GLI3: variants seen among roughly 807,000 people sequenced by gnomAD.
The protein encoded by GLI3 is transcription activator GLI3.
GLI3 carries 20 observed loss-of-function variants against 100.8 expected under a neutral mutation model. The observed-to-expected ratio is 0.20, with a 90% CI of 0.14 to 0.29. The LOEUF is 0.29. Among genes scored for constraint, GLI3 ranks in the 10% least tolerant of loss-of-function variants. The pLI, the probability that GLI3 is intolerant of heterozygous loss-of-function variation, is 1.00. For missense variants in GLI3, 2,040 were observed against 2,128.5 expected, an observed-to-expected ratio of 0.96 and a Z score of 0.82; for synonymous variants, 938 against 860.5, an observed-to-expected ratio of 1.09 and a Z score of -1.58.
intron 2 of GLI3, among the ~76,000 whole-genome samples, chr7:42,162,051 C>T (rs1483577103): frequency 6.6e-6 from 1 of 152,180 alleles, no homozygotes; most frequent in Non-Finnish European, 1.5e-5. Flanking sequence ...GGCTGCTGCC[C>T]TCAAGGCCCA....
intron 3 of GLI3, among the ~76,000 whole-genome samples, chr7:42,092,877 G>T (rs1433204483): frequency 6.6e-6 from 1 of 151,730 alleles, no homozygotes; most frequent in East Asian, 2.0e-4. Context: ...GCAGTGGTGC[G>T]ATCTCAGCTC....
rs1476153727 is a variant in GLI3, at chr7:41,965,196, G to A, written c.3877C>T (p.Leu1293=). 30 of 1,613,758 alleles carry A rather than the reference G, an allele frequency of 1.9e-5. No individual in the cohort carries two copies. The highest frequency in any genetic ancestry group is 2.5e-5 in the Non-Finnish European group (30 of 1,180,046). ...GGCGCTACCGGCAGGCCGAAATTCA[G>A]CTGGCCCCCGCTCCCTTGCATGGGG... ...STPMQGSGGQ[L]NFGLPVAPNE... Residue 1293 remains leucine, a synonymous_variant, in exon 15 of 15, where the codon CTG becomes TTG. Transcript: ENST00000395925.
chr7:42,058,646 T>C (rs961006557), intron 4 of GLI3, among the ~76,000 whole-genome samples: 2 of 152,138 alleles, frequency 1.3e-5, no homozygotes, highest in African/African-American at 2.4e-5. Context: ...TGTATTAACT[T>C]TGGAGGGGGC....
chr7:42,124,791 T>C (rs1368824614), intron 3 of GLI3, among the ~76,000 whole-genome samples: 1 of 152,200 alleles, frequency 6.6e-6, no homozygotes, highest in African/African-American at 2.4e-5. Flanking sequence ...GTTGTTGCCA[T>C]TGGTGCTGCT....
At chr7:42,080,874 T>C (rs1784983178) in intron 3 of GLI3, among the ~76,000 whole-genome samples, 1 of 152,162 alleles carries the variant, frequency 6.6e-6, no homozygotes, top group South Asian at 2.1e-4. Flanking sequence ...AACAGGCCCT[T>C]GTCGCCAGAG....
At chr7:42,263,947 C>G (rs1426681135) in intron 1 of GLI3, among the ~76,000 whole-genome samples, 2 of 152,202 alleles carry the variant, frequency 1.3e-5, no homozygotes, top group Non-Finnish European at 2.9e-5. Context: ...TTATTGCTAA[C>G]TTACCTACCT....
intron 2 of GLI3, chr7:42,151,818 G>A (rs979250876): frequency 1.3e-5 from 2 of 151,848 alleles, no homozygotes; most frequent in African/African-American, 4.8e-5. Flanking sequence ...AAAGCATCAC[G>A]TTTTAGAAAC....
chr7:42,170,885 A>G (rs1264600905), intron 2 of GLI3, among the ~76,000 whole-genome samples: 1 of 152,222 alleles, frequency 6.6e-6, no homozygotes, highest in Non-Finnish European at 1.5e-5. Context: ...GCTCATGCCC[A>G]GTTTAACCCT....
chr7:41,984,805 C>T (rs1787769821), intron 10 of GLI3, among the ~76,000 whole-genome samples: 1 of 152,270 alleles, frequency 6.6e-6, no homozygotes, highest in African/African-American at 2.4e-5. Flanking sequence ...TCAAATCCCA[C>T]AGAACTGCTT....
intron 3 of GLI3, among the ~76,000 whole-genome samples, chr7:42,110,457 G>A (rs1384419433): frequency 2.0e-5 from 3 of 152,156 alleles, no homozygotes; most frequent in South Asian, 2.1e-4. Context: ...CACAGGCAAC[G>A]GAAGTGGACA....
chr7:42,147,407 C>T (rs1250921676), intron 3 of GLI3, among the ~76,000 whole-genome samples: 4 of 152,114 alleles, frequency 2.6e-5, no homozygotes, highest in African/African-American at 9.7e-5. Flanking sequence ...GGAATTGGAG[C>T]CGGGAAGGTT....
chr7:42,063,471 CAT>C (rs773254774), intron 4 of GLI3, among the ~76,000 whole-genome samples: 22 of 152,034 alleles, frequency 1.4e-4, no homozygotes, highest in Non-Finnish European at 2.6e-4. Context: ...ATTTTTTAAA[CAT>C]GTATCATTCC....
At chr7:41,982,537 C>G (rs886326140) in intron 10 of GLI3, among the ~76,000 whole-genome samples, 1 of 151,604 alleles carries the variant, frequency 6.6e-6, no homozygotes, top group Non-Finnish European at 1.5e-5. Context: ...ACAGCGAGAC[C>G]CCATGTCTAA....
Position 42,223,205 on chromosome 7 carries a change from C to G in GLI3, c.49G>C (p.Glu17Gln). The G allele has an allele frequency of 6.2e-7, 1 of 1,613,940 alleles. No homozygotes were observed. Residue 17 changes from glutamate to glutamine, a missense_variant, in exon 2 of 15, where the codon GAG becomes CAG. Physicochemically the swap from Glu to Gln is conservative, Grantham distance 29 (BLOSUM62 2). Around this residue, in one of 5 missense-constraint regions of GLI3, gnomAD observed 603 missense variants for 690.9 expected, o/e 0.87. Coordinates refer to ENST00000395925, the MANE Select transcript of GLI3 (RefSeq NM_000168.6). The stretch of plus-strand genomic sequence containing the variant: ...GTGGAGCACTTCACTATGGAATTCT[C>G]AACTTTTTTCTTTTCAGTGGTCGTG... ...SSTTTEKKKV[E>Q]NSIVKCSTRT...
chr7:42,026,052 G>C, intron 8 of GLI3, 147 bp downstream of exon 8: 1 of 675,218 alleles, frequency 1.5e-6, no homozygotes, highest in South Asian at 1.6e-5. Flanking sequence ...CAAAACTGAA[G>C]ACTAGACCTC....
intron 14 of GLI3, 109 bp downstream of exon 14, chr7:41,967,487 G>T (rs530610638): frequency 2.5e-6 from 2 of 794,568 alleles, no homozygotes; most frequent in African/African-American, 1.7e-5. Flanking sequence ...TGGTTACAGC[G>T]TCATTTTAGG....
At chr7:42,073,035 T>G (rs1172995919) in intron 4 of GLI3, among the ~76,000 whole-genome samples, 4 of 152,214 alleles carry the variant, frequency 2.6e-5, no homozygotes, top group Non-Finnish European at 5.9e-5. Context: ...TTCAAATTAC[T>G]TGAATTAAAC....
chr7:42,168,224 A>G (rs1309124048), intron 2 of GLI3, among the ~76,000 whole-genome samples: 1 of 152,214 alleles, frequency 6.6e-6, no homozygotes, highest in Non-Finnish European at 1.5e-5. Flanking sequence ...CATTACTCTC[A>G]TCCTTCCTAA....
chr7:42,034,402 T>C (rs846328), intron 7 of GLI3, among the ~76,000 whole-genome samples: 1 of 151,886 alleles, frequency 6.6e-6, no homozygotes, highest in African/African-American at 2.4e-5. Flanking sequence ...TAAACAGCCT[T>C]GTGGGGGGCC....
Sources: allele counts gnomAD v4.1 joint callset (sites outside exome capture counted in the v4.1 genomes callset), GRCh38; gene constraint gnomAD v4.1.1; regional missense constraint gnomAD v4.1.1; transcripts MANE v1.5; gene names NCBI Gene and HGNC (gene_info 2026-07-23, HGNC 2026-07-21).